TDRP: variants seen among roughly 807,000 people sequenced by gnomAD.
TDRP encodes the protein testis development-related protein.
TDRP carries 12 observed loss-of-function variants against 10.5 expected under a neutral mutation model. That is an observed-to-expected ratio of 1.15 (90% CI 0.73 to 1.86). TDRP has a LOEUF of 1.86. Ranked by LOEUF, TDRP falls within the 40% of genes most tolerant of loss-of-function variation. The pLI is 0.00. For synonymous variants in TDRP, 139 were observed against 95.4 expected (o/e 1.46, Z -2.67); for missense variants, 353 against 229.2 (o/e 1.54, Z -3.49).
intron 1 of TDRP, among the ~76,000 whole-genome samples, chr8:499,548 G>A (rs1563117249): frequency 6.6e-6 from 1 of 152,208 alleles, no homozygotes; most frequent in Non-Finnish European, 1.5e-5. Flanking sequence ...GAACAAGTAA[G>A]GGAATCCCTC....
intron 1 of TDRP, among the ~76,000 whole-genome samples, chr8:495,280 C>A (rs1801094064): frequency 6.6e-6 from 1 of 152,224 alleles, no homozygotes; most frequent in African/African-American, 2.4e-5. Flanking sequence ...GGAGACTGAC[C>A]TTTGAGAAGG....
intron 1 of TDRP, among the ~76,000 whole-genome samples, chr8:496,788 G>C (rs1211386836): frequency 1.3e-5 from 2 of 152,212 alleles, no homozygotes; most frequent in Admixed American, 6.5e-5. Flanking sequence ...GACCTGGTGG[G>C]AGATGACTGG....
intron 1 of TDRP, among the ~76,000 whole-genome samples, chr8:539,769 T>C (rs752142781): frequency 5.9e-5 from 9 of 152,206 alleles, no homozygotes; most frequent in Admixed American, 3.9e-4. Context: ...ACTCCACTTC[T>C]TTCTTCCCAG....
intron 1 of TDRP, among the ~76,000 whole-genome samples, chr8:501,218 A>G (rs1178540521): frequency 6.6e-6 from 1 of 151,956 alleles, no homozygotes; most frequent in African/African-American, 2.4e-5. Context: ...AAAAACAAAC[A>G]AACAAAAAAA....
At chr8:494,720 T>G (rs1382967841) in intron 1 of TDRP, 123 bp from the exon 2 acceptor site, 6 of 783,128 alleles carry the variant, frequency 7.7e-6, no homozygotes, top group Admixed American at 7.2e-5. Flanking sequence ...ACATCTTAGC[T>G]TTCCATACCT....
chr8:507,288 C>G (rs1801493025), intron 1 of TDRP, among the ~76,000 whole-genome samples: 1 of 152,056 alleles, frequency 6.6e-6, no homozygotes, highest in African/African-American at 2.4e-5. Flanking sequence ...CAAGCCATAT[C>G]AGAAGGAGAT....
At chr8:522,173 CTA>C (rs1801922151) in intron 1 of TDRP, among the ~76,000 whole-genome samples, 1 of 152,202 alleles carries the variant, frequency 6.6e-6, no homozygotes, top group Admixed American at 6.5e-5. Flanking sequence ...CATTGTGCTA[CTA>C]TGTCTCCCTT....
At chr8:524,439 C>G (rs558475437) in intron 1 of TDRP, among the ~76,000 whole-genome samples, 12 of 152,228 alleles carry the variant, frequency 7.9e-5, no homozygotes, top group Non-Finnish European at 1.5e-4. Context: ...CATAACCTCA[C>G]CAAACAAACT....
chr8:519,249 C>T (rs531663876), intron 1 of TDRP, among the ~76,000 whole-genome samples: 10 of 152,248 alleles, frequency 6.6e-5, no homozygotes, highest in Non-Finnish European at 8.8e-5. Context: ...ACGCTGTGTG[C>T]CCTCCCCATG....
At chr8:494,014 G>C (rs1159130314) in intron 2 of TDRP, among the ~76,000 whole-genome samples, 1 of 26,244 alleles carries the variant, frequency 3.8e-5, no homozygotes, top group Non-Finnish European at 7.4e-5. Context: ...TTTTTTTTTT[G>C]AGACAGAGTC....
At chr8:512,298 T>C (rs1043271333) in intron 1 of TDRP, among the ~76,000 whole-genome samples, 2 of 151,566 alleles carry the variant, frequency 1.3e-5, no homozygotes, top group African/African-American at 4.8e-5. Context: ...CTGGGCATGG[T>C]GGCACACACC....
At chr8:493,217 A>C (rs1051715725) in intron 2 of TDRP, among the ~76,000 whole-genome samples, 4 of 152,224 alleles carry the variant, frequency 2.6e-5, no homozygotes, top group African/African-American at 9.6e-5. Context: ...AACACCATCT[A>C]CTATAAAAAG....
rs13261244 is a variant in TDRP at position 531,628 on chromosome 8, G to C, written c.108+13022C>G. Among the ~76,000 whole-genome samples the C allele has an allele frequency of 8.0e-3, 1,226 of 152,310 alleles. 12 individuals carry two copies. The highest frequency in any genetic ancestry group is 0.034 in the Middle Eastern group (10 of 294). On this transcript the variant is annotated intron_variant, in intron 1 of 2. Transcript: ENST00000324079. ...GATGCCATCTTTAATCACAGTTACAGACTGTCTTTTCTCTAAAATTTCTTG... is the reference window on the plus strand; with the variant it reads ...GATGCCATCTTTAATCACAGTTACACACTGTCTTTTCTCTAAAATTTCTTG...
chr8:513,634 C>T (rs1027875693), intron 1 of TDRP, among the ~76,000 whole-genome samples: 1 of 152,166 alleles, frequency 6.6e-6, no homozygotes, highest in African/African-American at 2.4e-5. Context: ...CTATTCAACA[C>T]CGTGCAGATT....
intron 1 of TDRP, among the ~76,000 whole-genome samples, chr8:497,322 G>C (rs1193666502): frequency 6.6e-6 from 1 of 152,218 alleles, no homozygotes; most frequent in African/African-American, 2.4e-5. Context: ...TCGGAAACTG[G>C]AGTAAAGGTC....
At position 491,947 on chromosome 8, in the gene TDRP, G is replaced by T. The variant is rs906338701; in HGVS notation, c.*452C>A. 8.9e-7 allele frequency: 1 copy of T among 1,126,046 alleles called. No individual in the cohort carries two copies. Among genetic ancestry groups the T allele is most frequent in the Non-Finnish European group, 1.1e-6 (1 of 922,078 alleles). 69.8% of individuals were successfully genotyped at this position (1,126,046 alleles called of 1,614,324 possible). ...AACAAAATTTAACATAACTTTGGAAGATTCATCTTACCTCCTGACTAATTT... is the reference window on the plus strand; with the variant it reads ...AACAAAATTTAACATAACTTTGGAATATTCATCTTACCTCCTGACTAATTT... On this transcript the variant is annotated 3_prime_UTR_variant, in exon 3 of 3. Coordinates refer to ENST00000324079, the MANE Select transcript of TDRP (RefSeq NM_001384899.1).
upstream of TDRP, chr8:544,917 C>G (rs1470814825): frequency 2.5e-6 from 1 of 407,686 alleles, no homozygotes; most frequent in African/African-American, 2.1e-5. Context: ...TAGGCCCGCC[C>G]CCTCCCCACC....
intron 1 of TDRP, among the ~76,000 whole-genome samples, chr8:505,025 C>A (rs528700683): frequency 4.5e-4 from 69 of 152,322 alleles, no homozygotes; most frequent in African/African-American, 1.6e-3. Flanking sequence ...ATATTTCATA[C>A]ATGATGACTT....
chr8:511,801 T>G (rs1200612376), intron 1 of TDRP, among the ~76,000 whole-genome samples: 1 of 152,196 alleles, frequency 6.6e-6, no homozygotes, highest in Admixed American at 6.5e-5. Flanking sequence ...CTCAAATATG[T>G]GGAAATTTTA....
Sources: allele counts gnomAD v4.1 joint callset (sites outside exome capture counted in the v4.1 genomes callset), GRCh38; gene constraint gnomAD v4.1.1; transcripts MANE v1.5; gene names NCBI Gene and HGNC (gene_info 2026-07-23, HGNC 2026-07-21).